Variants in WLS observed in about 807,000 individuals in gnomAD.
The protein encoded by WLS is protein wntless homolog.
WLS carries 23 observed loss-of-function variants against 62.8 expected under a neutral mutation model. The ratio of observed to expected loss-of-function variants is 0.37; its 90% confidence interval spans 0.26 to 0.52. WLS has a LOEUF of 0.52. Ranked by LOEUF, WLS falls within the 20% of genes least tolerant of loss-of-function variation. The pLI is 0.92. For synonymous variants in WLS, 246 were observed against 244.1 expected (o/e 1.01, Z -0.07); for missense variants, 615 against 697.3 (o/e 0.88, Z 1.33).
At chr1:68,148,232 CAATT>C in intron 7 of WLS, 33 bp from the exon 8 acceptor site, 2 of 1,608,564 alleles carry the variant, frequency 1.2e-6, no homozygotes, top group Non-Finnish European at 8.5e-7. Flanking sequence ...AGGCAAGACA[CAATT>C]AATACAAAGG....
intron 11 of WLS, among the ~76,000 whole-genome samples, chr1:68,134,581 GT>G (rs1173315725): frequency 6.6e-6 from 1 of 152,156 alleles, no homozygotes; most frequent in Non-Finnish European, 1.5e-5. Flanking sequence ...CATGAGCCTT[GT>G]TTTGCCTATT....
chr1:68,142,300 G>A (rs745343019), intron 10 of WLS, among the ~76,000 whole-genome samples: 9 of 152,286 alleles, frequency 5.9e-5, no homozygotes, highest in South Asian at 2.1e-4. Context: ...GATCAAAAGC[G>A]TCCTTCTTTC....
rs1310497332 is a variant in WLS at position 68,098,745 on chromosome 1, G to A, written c.1519C>T (p.Leu507Phe). 3.7e-6 allele frequency: 6 copies of A among 1,613,500 alleles called. No homozygotes were observed. In the Admixed American group the frequency reaches 6.7e-5, roughly 18 times the overall value. Reference sequence around the variant, plus strand: ...CAATCTTCCCTCGATTTACATGGGAGTTGCATTCCTGGAAAATTCAGTATA... The same window carrying A: ...CAATCTTCCCTCGATTTACATGGGAATTGCATTCCTGGAAAATTCAGTATA... The change falls in exon 12 of 12, where the codon CTC becomes TTC. Residue 507 changes from leucine to phenylalanine, a missense_variant. Transcript: ENST00000354777.
chr1:68,142,776 A>G (rs1646703006), intron 10 of WLS: 1 of 152,214 alleles, frequency 6.6e-6, no homozygotes, highest in Non-Finnish European at 1.5e-5. Flanking sequence ...AACACTCCCC[A>G]GTGGCAGAGC....
chr1:68,195,746 C>T (rs932182486), intron 1 of WLS, among the ~76,000 whole-genome samples: 2 of 152,078 alleles, frequency 1.3e-5, no homozygotes, highest in African/African-American at 4.8e-5. Flanking sequence ...TTTAGAGAAA[C>T]TGACCTTCTT....
chr1:68,149,241 G>T (rs958717999), intron 6 of WLS, among the ~76,000 whole-genome samples: 1 of 152,150 alleles, frequency 6.6e-6, no homozygotes, highest in Admixed American at 6.5e-5. Flanking sequence ...TCCAGGTGGG[G>T]CCCCAGGTGG....
intron 11 of WLS, among the ~76,000 whole-genome samples, chr1:68,126,568 G>C (rs1298180834): frequency 1.3e-5 from 2 of 152,078 alleles, no homozygotes; most frequent in East Asian, 3.9e-4. Flanking sequence ...ATTAAGATAC[G>C]TGAGTCAGCT....
intron 1 of WLS, among the ~76,000 whole-genome samples, chr1:68,214,730 A>T (rs377467914): frequency 3.9e-5 from 6 of 152,228 alleles, no homozygotes; most frequent in Non-Finnish European, 8.8e-5. Flanking sequence ...AAGCCTGCTC[A>T]AAGATACTTA....
intron 2 of WLS, among the ~76,000 whole-genome samples, chr1:68,170,220 C>T (rs907465303): frequency 3.6e-5 from 5 of 138,274 alleles, no homozygotes; most frequent in Non-Finnish European, 7.6e-5. Context: ...GGCTGGAGTG[C>T]AATGGCACGA....
At chr1:68,182,193 C>G (rs1020435615) in intron 2 of WLS, among the ~76,000 whole-genome samples, 1 of 152,142 alleles carries the variant, frequency 6.6e-6, no homozygotes, top group Non-Finnish European at 1.5e-5. Flanking sequence ...TTTGGAGGAG[C>G]CCTACTGTTT....
At chr1:68,193,480 C>T (rs1051096787) in intron 2 of WLS, among the ~76,000 whole-genome samples, 131 of 127,206 alleles carry the variant, frequency 1.0e-3, no homozygotes, top group African/African-American at 3.6e-3. Context: ...AATGGGTGCT[C>T]ATGGGTTGGC....
chr1:68,224,239 A>G (rs1346582555), intron 1 of WLS, among the ~76,000 whole-genome samples: 1 of 152,240 alleles, frequency 6.6e-6, no homozygotes, highest in Non-Finnish European at 1.5e-5. Flanking sequence ...TTGAAGGCCC[A>G]GGATTTAAAT....
At chr1:68,148,722 G>A (rs1646786116) in intron 6 of WLS, 62 bp from the exon 7 acceptor site, 1 of 1,508,074 alleles carries the variant, frequency 6.6e-7, no homozygotes, top group East Asian at 2.3e-5. Flanking sequence ...AATTCTATGG[G>A]GGAGTCAGCA....
chr1:68,178,635 G>T (rs180992511), intron 2 of WLS, among the ~76,000 whole-genome samples: 1 of 150,774 alleles, frequency 6.6e-6, no homozygotes, highest in African/African-American at 2.5e-5. Context: ...GAACCCAGGA[G>T]GGGGAGGTTG....
chr1:68,196,883 T>C (rs183671784), intron 1 of WLS, among the ~76,000 whole-genome samples: 1 of 152,254 alleles, frequency 6.6e-6, no homozygotes, highest in East Asian at 1.9e-4. Context: ...TTATCCTGAC[T>C]CAGCTAAATA....
intron 11 of WLS, among the ~76,000 whole-genome samples, chr1:68,136,175 T>C (rs1230107448): frequency 6.6e-6 from 1 of 152,114 alleles, no homozygotes; most frequent in Non-Finnish European, 1.5e-5. Flanking sequence ...TGCCTTCCTC[T>C]CCTGCTCCAC....
downstream of WLS, among the ~76,000 whole-genome samples, chr1:68,123,590 C>T (rs1370251271): frequency 6.6e-6 from 1 of 152,078 alleles, no homozygotes; most frequent in Non-Finnish European, 1.5e-5. Flanking sequence ...AACCCAAACT[C>T]ATCATCTTGC....
intron 11 of WLS, among the ~76,000 whole-genome samples, chr1:68,114,642 G>A (rs1646267986): frequency 6.6e-6 from 1 of 152,172 alleles, no homozygotes; most frequent in African/African-American, 2.4e-5. Context: ...TCTGACTGGT[G>A]CAGACTAAAC....
At chr1:68,221,514 G>T (rs1453597282) in intron 1 of WLS, among the ~76,000 whole-genome samples, 27 of 152,184 alleles carry the variant, frequency 1.8e-4, no homozygotes, top group Admixed American at 1.8e-3. Context: ...AAAAAGAAAG[G>T]AATGTCTTTT....
Sources: allele counts gnomAD v4.1 joint callset (sites outside exome capture counted in the v4.1 genomes callset), GRCh38; gene constraint gnomAD v4.1.1; transcripts MANE v1.5; gene names NCBI Gene and HGNC (gene_info 2026-07-23, HGNC 2026-07-21).